The following NUMB variants were observed in gnomAD, a reference collection of about 807,000 sequenced individuals.
NUMB encodes protein numb homolog.
Under a neutral mutation model 59.7 loss-of-function variants are expected in NUMB, and 29 were observed. The observed-to-expected ratio is 0.49, with a 90% CI of 0.36 to 0.66. The LOEUF (loss-of-function observed/expected upper bound fraction) is 0.66, where lower values mean the gene tolerates loss of function less well. Among genes scored for constraint, NUMB ranks in the 30% least tolerant of loss-of-function variants. The pLI is 0.00. For missense variants in NUMB, 723 were observed against 822.0 expected (o/e 0.88, Z 1.47); for synonymous variants, 288 against 288.2 (o/e 1.00, Z 0.01).
In NUMB at chr14:73,276,760, C is replaced by T. The variant is rs1309984378; in HGVS notation, c.1774G>A (p.Val592Ile). ...HLNGSAAFNG[V>I]DDGRLASADR... ...GCTGAGGCCAACCTGCCATCATCTA[C>T]ACCATTGAAAGCTGCAGAACCGTTG... The change falls in exon 13 of 13, where the codon GTA (valine) becomes ATA (isoleucine). Residue 592 changes from valine to isoleucine, a missense_variant. This residue lies in a region of NUMB where 406 missense variants were observed against 385.4 expected (regional missense o/e 1.05). Coordinates refer to ENST00000555238, the MANE Select transcript of NUMB (RefSeq NM_001005743.2). 3 of 1,614,094 alleles carry T rather than the reference C, an allele frequency of 1.9e-6. No individual in the cohort carries two copies. The highest frequency in any genetic ancestry group is 1.1e-5 in the South Asian group (1 of 91,092).
chr14:73,398,583 A>AT (rs559445136), intron 2 of NUMB, among the ~76,000 whole-genome samples: 66 of 146,216 alleles, frequency 4.5e-4, no homozygotes, highest in Middle Eastern at 3.5e-3. Context: ...TTATTTGGGT[A>AT]TTTTTTTTTT....
intron 2 of NUMB, among the ~76,000 whole-genome samples, chr14:73,403,658 A>G (rs1230685642): frequency 6.6e-6 from 1 of 152,172 alleles, no homozygotes; most frequent in African/African-American, 2.4e-5. Context: ...ACAATAATAT[A>G]AGCCTTCAAG....
chr14:73,348,062 C>T (rs961229977), intron 4 of NUMB, among the ~76,000 whole-genome samples: 10 of 152,134 alleles, frequency 6.6e-5, no homozygotes, highest in African/African-American at 2.4e-4. Context: ...TTAGTGAGTG[C>T]CCCCAACACC....
At chr14:73,403,652 T>C (rs1896518944) in intron 2 of NUMB, among the ~76,000 whole-genome samples, 1 of 152,134 alleles carries the variant, frequency 6.6e-6, no homozygotes, top group Non-Finnish European at 1.5e-5. Context: ...CCTTGAACAA[T>C]AATATAAGCC....
Position 73,422,893 on chromosome 14 carries a change from G to C in NUMB, c.-232-12825C>G, listed in dbSNP as rs369017142. Among the ~76,000 whole-genome samples, 17 of 128,638 alleles carry C rather than the reference G, an allele frequency of 1.3e-4. No individual in the cohort carries two copies. The East Asian group carries it at 2.9e-3, about 22-fold the overall frequency. The allele number at this position is 128,638 out of a possible 152,430, so 84.4% of individuals were successfully genotyped here. A position where few individuals can be genotyped will look rare whatever the true frequency, so the allele number is the denominator to read the frequency against. Reference sequence around the variant, plus strand: ...ACAAACAACCAAACCATATCAGGAGGAAGAGATCCTGTCTCAAAAAAAAAA... The same window carrying C: ...ACAAACAACCAAACCATATCAGGAGCAAGAGATCCTGTCTCAAAAAAAAAA... On this transcript the variant is annotated intron_variant, in intron 1 of 12. Transcript: ENST00000555238.
chr14:73,406,633 T>C (rs1192653539), intron 2 of NUMB, among the ~76,000 whole-genome samples: 1 of 152,146 alleles, frequency 6.6e-6, no homozygotes, highest in Non-Finnish European at 1.5e-5. Context: ...CTGGGTCAAA[T>C]GGTATTTCTA....
In NUMB at chr14:73,276,526, T is replaced by G; in HGVS notation, c.*52A>C. 6.9e-7 allele frequency: 1 copy of G among 1,445,926 alleles called. No individual in the cohort carries two copies. The highest frequency in any genetic ancestry group is 1.3e-5 in the South Asian group (1 of 79,264). 89.6% of individuals were successfully genotyped at this position (1,445,926 alleles called of 1,614,324 possible). On this transcript the variant is annotated 3_prime_UTR_variant, in exon 13 of 13. Coordinates refer to ENST00000555238, the MANE Select transcript of NUMB (RefSeq NM_001005743.2). ...AAGTCTGTTTTGCTCCTTTGACCGC[T>G]ACCCCCTGCTCCCTGTCTGGTATGG...
intron 4 of NUMB, among the ~76,000 whole-genome samples, chr14:73,328,809 T>C (rs1891800886): frequency 6.6e-6 from 1 of 152,216 alleles, no homozygotes; most frequent in Admixed American, 6.5e-5. Flanking sequence ...ACACTCTGGG[T>C]TCAAGCCTTT....
At chr14:73,319,465 T>C (rs1891277678) in intron 5 of NUMB, among the ~76,000 whole-genome samples, 1 of 152,204 alleles carries the variant, frequency 6.6e-6, no homozygotes, top group Non-Finnish European at 1.5e-5. Flanking sequence ...TTCAAACTAA[T>C]TTCAAAGATA....
intron 1 of NUMB, among the ~76,000 whole-genome samples, chr14:73,412,790 T>C (rs980745894): frequency 3.9e-5 from 6 of 151,924 alleles, no homozygotes; most frequent in Admixed American, 2.0e-4. Context: ...CCACCATGTC[T>C]GGCCAATTCT....
intron 9 of NUMB, among the ~76,000 whole-genome samples, chr14:73,285,939 A>C (rs1424059243): frequency 2.6e-5 from 4 of 151,270 alleles, no homozygotes; most frequent in African/African-American, 9.7e-5. Flanking sequence ...AAAAAAAAAA[A>C]CACCGAAATC....
At chr14:73,351,071 T>C (rs551369725) in intron 4 of NUMB, among the ~76,000 whole-genome samples, 2 of 152,232 alleles carry the variant, frequency 1.3e-5, no homozygotes, top group East Asian at 1.9e-4. Flanking sequence ...CAATGTCCAC[T>C]ATTTGGGTGA....
At chr14:73,432,324 A>C (rs1290398329) in intron 1 of NUMB, among the ~76,000 whole-genome samples, 1 of 152,122 alleles carries the variant, frequency 6.6e-6, no homozygotes, top group Non-Finnish European at 1.5e-5. Flanking sequence ...TAATATTGAC[A>C]TAGGGATAGG....
chr14:73,301,473 T>G (rs1162557679), intron 6 of NUMB, among the ~76,000 whole-genome samples: 1 of 152,220 alleles, frequency 6.6e-6, no homozygotes, highest in African/African-American at 2.4e-5. Context: ...GGTCTTGCCT[T>G]GTTGCCCAGG....
At position 73,417,120 on chromosome 14, in the gene NUMB, G is replaced by C. The variant is rs555914812; in HGVS notation, c.-232-7052C>G. On this transcript the variant is annotated intron_variant, in intron 1 of 12. Transcript: ENST00000555238. ...ATCTTCCCACTCCATCCCCTTTCCA[G>C]CTTCCCCATCATCCTGCTGAGAGCC... Among the ~76,000 whole-genome samples, 10 of 152,080 alleles carry C rather than the reference G, an allele frequency of 6.6e-5. No individual in the cohort carries two copies. In the South Asian group the frequency reaches 1.2e-3, roughly 19 times the overall value.
rs115959122 is a variant in NUMB at position 73,383,196 on chromosome 14, T to G, written c.-100-16215A>C. ...AAATGGGGATCCAGGGATCCAGACA[T>G]TGTTAATTACCACACACAGACTTTA... On this transcript the variant is annotated intron_variant, in intron 2 of 12. Coordinates refer to ENST00000555238, the MANE Select transcript of NUMB (RefSeq NM_001005743.2). Among the ~76,000 whole-genome samples, 539 of 152,206 alleles carry G rather than the reference T, an allele frequency of 3.5e-3. 9 individuals are homozygous for G. The highest frequency in any genetic ancestry group is 0.014 in the Middle Eastern group (4 of 294).
At chr14:73,327,520 G>A (rs1891727339) in intron 4 of NUMB, among the ~76,000 whole-genome samples, 1 of 152,148 alleles carries the variant, frequency 6.6e-6, no homozygotes, top group Non-Finnish European at 1.5e-5. Context: ...CTCCCAAAGT[G>A]CTGGGATTAC....
At chr14:73,345,118 T>C (rs557553318) in intron 4 of NUMB, among the ~76,000 whole-genome samples, 4 of 152,252 alleles carry the variant, frequency 2.6e-5, no homozygotes, top group Admixed American at 6.5e-5. Context: ...AGTGGTGGAC[T>C]GGAAAAAGAA....
Position 73,390,638 on chromosome 14 carries a change from C to CTTTTTTTTTTTTTTTTT in NUMB, c.-101+19282_-101+19298dup, listed in dbSNP as rs55831976. Among the ~76,000 whole-genome samples, 8 of 39,384 alleles carry CTTTTTTTTTTTTTTTTT rather than the reference C, an allele frequency of 2.0e-4. 2 individuals carry two copies. The highest frequency in any genetic ancestry group is 3.8e-4 in the Non-Finnish European group (8 of 21,180). 25.8% of individuals were successfully genotyped at this position (39,384 alleles called of 152,430 possible). The stretch of plus-strand genomic sequence containing the variant: ...ATTTCCTTGAGGACAAAAACAAAGT[C>CTTTTTTTTTTTTTTTTT]TTTTTTTTTTTTTTTTTTTTTTTTT... On this transcript the variant is annotated intron_variant, in intron 2 of 12. Coordinates refer to ENST00000555238, the MANE Select transcript of NUMB (RefSeq NM_001005743.2).
Sources: gnomAD v4.1 joint callset for allele counts (sites outside exome capture counted in the v4.1 genomes callset) on GRCh38, gnomAD v4.1.1 for gene constraint, gnomAD v4.1.1 regional missense constraint, MANE v1.5 for transcripts, NCBI Gene and HGNC (gene_info 2026-07-23, HGNC 2026-07-21) for gene names.